Variants in PMP22 observed in about 807,000 individuals in gnomAD.
PMP22 encodes the protein Charcot-Marie-Tooth neuropathy 1A (greatly reduced nerve conduction velocity, hereditary motor sensory neuropathy Ia).
In PMP22, 2 loss-of-function variants were observed where a neutral mutation model predicts 18.9. The ratio of observed to expected loss-of-function variants is 0.11; its 90% CI spans 0.04 to 0.33. PMP22 has a LOEUF of 0.33. Among genes scored for constraint, PMP22 ranks in the 10% least tolerant of loss-of-function variants. The pLI, the probability that PMP22 is intolerant of heterozygous loss-of-function variation, is 1.00. For missense variants in PMP22, 169 were observed against 202.2 expected, an observed-to-expected ratio of 0.84 and a Z score of 1.00; for synonymous variants, 95 against 89.2, an observed-to-expected ratio of 1.07 and a Z score of -0.37.
In PMP22 at chr17:15,258,637, G is replaced by T; in HGVS notation, c.178+457C>A. ...AAGACCTGGAAAGGCAGCCAGTCTT[G>T]TGTCCATGTAACTGACGGTGCAGTG... On this transcript the variant is annotated intron_variant, in intron 3 of 4. Transcript: ENST00000312280. This position sits in a 1 kb window ranked among gnomAD's most constrained non-coding sequence, Gnocchi z 4.1. 4.3e-6 allele frequency: 1 copy of T among 234,456 alleles called. No homozygotes were observed. Among genetic ancestry groups the T allele is most frequent in the Non-Finnish European group, 8.6e-6 (1 of 116,690 alleles). The allele number at this position is 234,456 out of a possible 1,614,324, so 14.5% of individuals were successfully genotyped here.
Position 15,258,693 on chromosome 17 carries a change from G to A in PMP22, c.178+401C>T, listed in dbSNP as rs1392671680. On this transcript the variant is annotated intron_variant, in intron 3 of 4. Coordinates refer to ENST00000312280, the MANE Select transcript of PMP22 (RefSeq NM_000304.4). The surrounding 1 kb of genome is among the most constrained non-coding windows in gnomAD (Gnocchi z 4.1). ...GCCCCACTGTCACTGCAGCAGAAAG[G>A]GGCAGGACATTTCTGAATAGAGACA... is the stretch of plus-strand genomic sequence containing the variant. The A allele has an allele frequency of 6.2e-6, 2 of 322,118 alleles. No homozygotes were observed. Among genetic ancestry groups the A allele is most frequent in the African/African-American group, 2.1e-5 (1 of 46,512 alleles). The allele number at this position is 322,118 out of a possible 1,614,324, so 20.0% of individuals were successfully genotyped here.
chr17:15,260,844 A>G (rs868459799), intron 1 of PMP22, 83 bp from the exon 2 acceptor site: 19 of 981,040 alleles, frequency 1.9e-5, no homozygotes, highest in Middle Eastern at 2.8e-4. Context: ...CCCGCGCACT[A>G]GCGGAAGGCC....
At position 15,258,653 on chromosome 17, in the gene PMP22, C is replaced by T. The variant is rs147272671; in HGVS notation, c.178+441G>A. The T allele has an allele frequency of 3.0e-4, 77 of 257,026 alleles. No individual in the cohort carries two copies. Among genetic ancestry groups the T allele is most frequent in the African/African-American group, 1.5e-3 (69 of 45,806 alleles). The allele number at this position is 257,026 out of a possible 1,614,324, so 15.9% of individuals were successfully genotyped here. A position where few individuals can be genotyped will look rare whatever the true frequency, so the allele number is the denominator to read the frequency against. ...GCCAGTCTTGTGTCCATGTAACTGA[C>T]GGTGCAGTGAGCTAGCCCCACTGTC... On this transcript the variant is annotated intron_variant, in intron 3 of 4. Coordinates refer to ENST00000312280, the MANE Select transcript of PMP22 (RefSeq NM_000304.4). This position sits in a 1 kb window ranked among gnomAD's most constrained non-coding sequence, Gnocchi z 4.1.
intron 3 of PMP22, among the ~76,000 whole-genome samples, chr17:15,249,476 C>G (rs1030780352): frequency 6.6e-6 from 1 of 152,196 alleles, no homozygotes; most frequent in Non-Finnish European, 1.5e-5. Flanking sequence ...CAATGATATG[C>G]TTGCAATCTA....
intron 3 of PMP22, among the ~76,000 whole-genome samples, chr17:15,246,891 G>A (rs1360594111): frequency 6.6e-6 from 1 of 151,586 alleles, no homozygotes; most frequent in Non-Finnish European, 1.5e-5. Flanking sequence ...CCAACATGGT[G>A]AAACCCCGTC....
intron 1 of PMP22, among the ~76,000 whole-genome samples, chr17:15,264,005 A>G (rs1909541953): frequency 6.6e-6 from 1 of 152,198 alleles, no homozygotes; most frequent in Admixed American, 6.5e-5. Context: ...TCTCAGGTGC[A>G]AAAGGAAATA....
chr17:15,259,171 T>C lies in PMP22; in HGVS notation c.101A>G (p.His34Arg). Residue 34 changes from histidine (H) to arginine (R), a missense_variant, in exon 3 of 5, where the codon CAC becomes CGC. Coordinates refer to ENST00000312280, the MANE Select transcript of PMP22 (RefSeq NM_000304.4). ...IVSQWIVGNG[H>R]ATDLWQNCST... The stretch of plus-strand genomic sequence containing the variant: ...ACAGTTCTGCCAGAGATCAGTTGCG[T>C]GTCCATTGCCCACGATCCATTGCTA... 1.9e-6 allele frequency: 3 copies of C among 1,613,528 alleles called. No individual in the cohort carries two copies. The highest frequency in any genetic ancestry group is 4.5e-5 in the East Asian group (2 of 44,874).
intron 3 of PMP22, among the ~76,000 whole-genome samples, chr17:15,241,696 C>T (rs1907335279): frequency 6.6e-6 from 1 of 152,176 alleles, no homozygotes; most frequent in Non-Finnish European, 1.5e-5. Context: ...AAACATCTTT[C>T]AACATTAACT....
Position 15,230,743 on chromosome 17 carries a change from C to T in PMP22, c.*174G>A, listed in dbSNP as rs1386490077. 1.6e-5 allele frequency: 10 copies of T among 643,070 alleles called. No homozygotes were observed. Among genetic ancestry groups the T allele is most frequent in the East Asian group, 5.4e-5 (2 of 37,134 alleles). The allele number at this position is 643,070 out of a possible 1,614,324, so 39.8% of individuals were successfully genotyped here. A position where few individuals can be genotyped will look rare whatever the true frequency, so the allele number is the denominator to read the frequency against. On this transcript the variant is annotated 3_prime_UTR_variant, in exon 5 of 5. Coordinates refer to ENST00000312280, the MANE Select transcript of PMP22 (RefSeq NM_000304.4). Reference sequence around the variant, plus strand: ...AGTGTTATAAATAGGTTTTATAAACCGGAGATATTATATACATCTTCAATC... The same window carrying T: ...AGTGTTATAAATAGGTTTTATAAACTGGAGATATTATATACATCTTCAATC...
chr17:15,243,625 C>T (rs1907536821), intron 3 of PMP22, among the ~76,000 whole-genome samples: 1 of 149,588 alleles, frequency 6.7e-6, no homozygotes, highest in African/African-American at 2.4e-5. Context: ...ATTAAATATA[C>T]AATTAATTGT....
intron 3 of PMP22, among the ~76,000 whole-genome samples, chr17:15,249,530 A>C (rs1908137372): frequency 6.6e-6 from 1 of 152,208 alleles, no homozygotes; most frequent in Non-Finnish European, 1.5e-5. Flanking sequence ...CTTAGAATCC[A>C]CAAAAACTAG....
intron 3 of PMP22, among the ~76,000 whole-genome samples, chr17:15,243,519 A>G (rs1907528222): frequency 6.6e-6 from 1 of 151,794 alleles, no homozygotes; most frequent in Non-Finnish European, 1.5e-5. Context: ...GAACAAAAAG[A>G]AAATCAGAAA....
chr17:15,252,884 C>T (rs1397282765), intron 3 of PMP22, among the ~76,000 whole-genome samples: 1 of 152,192 alleles, frequency 6.6e-6, no homozygotes, highest in Non-Finnish European at 1.5e-5. Context: ...GCCCTTCTAG[C>T]TCTTGGGCTC....
At chr17:15,240,134 T>C (rs1907193979) in intron 3 of PMP22, among the ~76,000 whole-genome samples, 1 of 152,200 alleles carries the variant, frequency 6.6e-6, no homozygotes, top group Non-Finnish European at 1.5e-5. Context: ...CTTATGTACA[T>C]GTGTCTGTGT....
intron 3 of PMP22, among the ~76,000 whole-genome samples, chr17:15,251,434 T>A (rs930288745): frequency 6.6e-6 from 1 of 151,980 alleles, no homozygotes; most frequent in African/African-American, 2.4e-5. Flanking sequence ...CAGTGCCCAG[T>A]ACATAGGACA....
intron 2 of PMP22, chr17:15,260,149 G>A (rs1166448939): frequency 1.0e-5 from 2 of 192,054 alleles, no homozygotes; most frequent in East Asian, 2.4e-4. Flanking sequence ...ACCAGTGGAA[G>A]CTTTACTAAC....
intron 3 of PMP22, among the ~76,000 whole-genome samples, chr17:15,249,186 C>A (rs1166861857): frequency 6.6e-6 from 1 of 152,154 alleles, no homozygotes; most frequent in Admixed American, 6.5e-5. Context: ...GCAATTCTAC[C>A]CCATTGCCAA....
intron 1 of PMP22, among the ~76,000 whole-genome samples, chr17:15,263,583 G>GCGCACACACACACACACACA (rs71353722): frequency 1.5e-4 from 23 of 149,942 alleles, no homozygotes; most frequent in African/African-American, 5.6e-4. Flanking sequence ...GCACGCGCGC[G>GCGCACACACACACACACACA]CACACACACA....
chr17:15,249,327 G>C (rs988577023), intron 3 of PMP22, among the ~76,000 whole-genome samples: 3 of 152,264 alleles, frequency 2.0e-5, no homozygotes, highest in East Asian at 1.9e-4. Flanking sequence ...CTCAATGCCT[G>C]CTCTGCTTTT....
Sources: gnomAD v4.1 joint callset for allele counts (sites outside exome capture counted in the v4.1 genomes callset) on GRCh38, gnomAD v4.1.1 for gene constraint, Gnocchi (gnomAD v3.1) non-coding constraint, MANE v1.5 for transcripts, NCBI Gene and HGNC (gene_info 2026-07-23, HGNC 2026-07-21) for gene names.